LPP: variants seen among roughly 807,000 people sequenced by gnomAD.
LPP encodes the protein LIM domain containing preferred translocation partner in lipoma.
LPP carries 38 observed loss-of-function variants against 60.4 expected under a neutral mutation model. The ratio of observed to expected loss-of-function variants is 0.63; its 90% confidence interval spans 0.49 to 0.83. The LOEUF (loss-of-function observed/expected upper bound fraction) is 0.83. LPP is among the 40% of genes least tolerant of loss of function. The pLI is 0.00. For missense variants in LPP, 902 were observed against 783.6 expected (o/e 1.15, Z -1.80); for synonymous variants, 328 against 290.8 (o/e 1.13, Z -1.30).
At chr3:188,543,929 G>T (rs1227937934) in intron 6 of LPP, among the ~76,000 whole-genome samples, 1 of 152,186 alleles carries the variant, frequency 6.6e-6, no homozygotes, top group South Asian at 2.1e-4. Flanking sequence ...TAGTGCAAAT[G>T]TAAGTTTATT....
chr3:188,414,811 A>T (rs1454407102), intron 4 of LPP, among the ~76,000 whole-genome samples: 2 of 152,132 alleles, frequency 1.3e-5, no homozygotes, highest in Non-Finnish European at 2.9e-5. Context: ...TGGCTTGTTC[A>T]GTATTGCAGA....
intron 8 of LPP, among the ~76,000 whole-genome samples, chr3:188,726,588 G>A (rs1398644): frequency 0.28 from 43,211 of 151,992 alleles, 7,531 homozygotes; most frequent in Middle Eastern, 0.54. Flanking sequence ...AAATTATGCA[G>A]GAGAAAGGGA....
chr3:188,775,632 G>A (rs1025709896), intron 9 of LPP, among the ~76,000 whole-genome samples: 1 of 152,166 alleles, frequency 6.6e-6, no homozygotes, highest in Non-Finnish European at 1.5e-5. Flanking sequence ...TGGCTGGGCA[G>A]TGTCTGCAGG....
chr3:188,577,191 C>A (rs1017908930), intron 6 of LPP, among the ~76,000 whole-genome samples: 1 of 152,138 alleles, frequency 6.6e-6, no homozygotes. Flanking sequence ...CTGAAAATAT[C>A]TTTGCTATTC....
intron 4 of LPP, among the ~76,000 whole-genome samples, chr3:188,420,993 G>T (rs764227014): frequency 6.6e-6 from 1 of 152,048 alleles, no homozygotes; most frequent in Non-Finnish European, 1.5e-5. Context: ...ATAGGGCATG[G>T]GTTCTTTCTG....
At chr3:188,559,539 T>C (rs921372528) in intron 6 of LPP, among the ~76,000 whole-genome samples, 1 of 152,084 alleles carries the variant, frequency 6.6e-6, no homozygotes, top group African/African-American at 2.4e-5. Flanking sequence ...TTAGTCTTTA[T>C]AGAAAGGAAA....
chr3:188,856,678 T>C (rs1763908480), intron 9 of LPP, among the ~76,000 whole-genome samples: 1 of 152,204 alleles, frequency 6.6e-6, no homozygotes, highest in Non-Finnish European at 1.5e-5. Context: ...TGGAATTTTG[T>C]TCAAGGTGCT....
chr3:188,358,510 G>C (rs758055160), intron 3 of LPP, among the ~76,000 whole-genome samples: 5 of 152,232 alleles, frequency 3.3e-5, no homozygotes, highest in Non-Finnish European at 5.9e-5. Flanking sequence ...TTCCACCAGG[G>C]TGAAGGGCAG....
chr3:188,416,031 C>T (rs1172133944), intron 4 of LPP, among the ~76,000 whole-genome samples: 1 of 151,880 alleles, frequency 6.6e-6, no homozygotes, highest in African/African-American at 2.4e-5. Flanking sequence ...TGAGCATTAC[C>T]ATTTAGGGAA....
intron 1 of LPP, among the ~76,000 whole-genome samples, chr3:188,173,000 T>C (rs1441181146): frequency 6.6e-6 from 1 of 152,208 alleles, no homozygotes; most frequent in African/African-American, 2.4e-5. Context: ...CTGGGGTAGC[T>C]GGGACAACAG....
At chr3:188,806,111 A>G (rs544213127) in intron 9 of LPP, among the ~76,000 whole-genome samples, 2 of 152,000 alleles carry the variant, frequency 1.3e-5, no homozygotes, top group African/African-American at 2.4e-5. Context: ...AGTATTGTAC[A>G]AGTTCTCTCT....
intron 5 of LPP, among the ~76,000 whole-genome samples, chr3:188,499,166 G>A (rs1245491603): frequency 6.6e-6 from 1 of 152,032 alleles, no homozygotes; most frequent in Non-Finnish European, 1.5e-5. Flanking sequence ...TGTCTCTTGT[G>A]TTATTTGTGC....
intron 9 of LPP, among the ~76,000 whole-genome samples, chr3:188,854,264 TG>T (rs1370084858): frequency 4.6e-5 from 7 of 152,064 alleles, no homozygotes; most frequent in African/African-American, 1.4e-4. Flanking sequence ...TTTGGCAGGG[TG>T]GGGGAGGAAT....
chr3:188,450,161 G>A (rs116214563), intron 4 of LPP, among the ~76,000 whole-genome samples: 1,875 of 152,202 alleles, frequency 0.012, 36 homozygotes, highest in African/African-American at 0.043. Flanking sequence ...CATATTATTC[G>A]TGTGAGTTAG....
In LPP at chr3:188,332,682, C is replaced by T. The variant is rs1052938217; in HGVS notation, c.-66-8981C>T. 5.3e-5 allele frequency among the ~76,000 whole-genome samples: 8 copies of T among 152,068 alleles called. No homozygotes were observed. In the East Asian group the frequency reaches 1.5e-3, roughly 29 times the overall value. On this transcript the variant is annotated intron_variant, in intron 2 of 11. Coordinates refer to ENST00000617246, the MANE Select transcript of LPP (RefSeq NM_001375462.1). ...AAAACAATATGGTAATTTTAGTGAT[C>T]CAGATATAAAACTAGGCATTATGGT... is the stretch of plus-strand genomic sequence containing the variant.
chr3:188,216,803 T>A (rs1167591446), intron 1 of LPP, among the ~76,000 whole-genome samples: 3 of 152,222 alleles, frequency 2.0e-5, no homozygotes, highest in African/African-American at 7.2e-5. Context: ...AGAAAGCTTG[T>A]CCAAACCGCT....
At chr3:188,517,464 A>T (rs1817682022) in intron 5 of LPP, among the ~76,000 whole-genome samples, 1 of 152,214 alleles carries the variant, frequency 6.6e-6, no homozygotes, top group Non-Finnish European at 1.5e-5. Flanking sequence ...TTGAAATTTA[A>T]TCCCCAATAT....
intron 8 of LPP, among the ~76,000 whole-genome samples, chr3:188,753,344 T>G (rs1199054054): frequency 6.6e-6 from 1 of 152,214 alleles, no homozygotes; most frequent in Non-Finnish European, 1.5e-5. Context: ...ACATGCTTGC[T>G]TTTGCAACCT....
chr3:188,807,387 T>C (rs1165594374), intron 9 of LPP, among the ~76,000 whole-genome samples: 1 of 152,070 alleles, frequency 6.6e-6, no homozygotes, highest in African/African-American at 2.4e-5. Context: ...TTCTTGGCTC[T>C]TCTATCTTCA....
Sources: allele counts gnomAD v4.1 joint callset (sites outside exome capture counted in the v4.1 genomes callset), GRCh38; gene constraint gnomAD v4.1.1; transcripts MANE v1.5; gene names NCBI Gene and HGNC (gene_info 2026-07-23, HGNC 2026-07-21).